TTC29: variants seen among roughly 807,000 people sequenced by gnomAD.
TTC29 encodes tetratricopeptide repeat protein 29.
In TTC29, 49 loss-of-function variants were observed where a neutral mutation model predicts 58.1. The observed-to-expected ratio is 0.84, with a 90% CI of 0.67 to 1.07. The LOEUF (loss-of-function observed/expected upper bound fraction) is 1.07, where lower values mean the gene tolerates loss of function less well. Among genes scored for constraint, TTC29 ranks in the 50% least tolerant of loss-of-function variants. The pLI is 0.00. For missense variants in TTC29, 582 were observed against 555.6 expected (o/e 1.05, Z -0.48); for synonymous variants, 209 against 196.8 (o/e 1.06, Z -0.52).
At chr4:146,834,884 CA>C (rs1444003095) in intron 8 of TTC29, among the ~76,000 whole-genome samples, 2 of 152,050 alleles carry the variant, frequency 1.3e-5, no homozygotes, top group Non-Finnish European at 2.9e-5. Context: ...TGCGACACTT[CA>C]AAAAATTTGA....
intron 10 of TTC29, among the ~76,000 whole-genome samples, chr4:146,806,165 T>G (rs538751322): frequency 5.3e-5 from 8 of 152,288 alleles, no homozygotes; most frequent in African/African-American, 1.9e-4. Flanking sequence ...AATGAAATCC[T>G]TTACAGACAA....
At chr4:146,810,310 A>G (rs368886355) in intron 10 of TTC29, among the ~76,000 whole-genome samples, 2 of 152,114 alleles carry the variant, frequency 1.3e-5, no homozygotes, top group African/African-American at 2.4e-5. Context: ...TATAGATGAC[A>G]GGTTGATGGG....
chr4:146,722,499 A>T (rs1743445299), intron 11 of TTC29, among the ~76,000 whole-genome samples: 1 of 152,200 alleles, frequency 6.6e-6, no homozygotes, highest in Non-Finnish European at 1.5e-5. Flanking sequence ...AACAGAATGG[A>T]GAACCTGAAA....
chr4:146,904,463 T>A (rs1172899047), intron 5 of TTC29, among the ~76,000 whole-genome samples: 3 of 151,510 alleles, frequency 2.0e-5, no homozygotes, highest in African/African-American at 7.3e-5. Flanking sequence ...TATATCTACA[T>A]AAAAAAATGT....
At chr4:146,708,328 A>ACATGTATGTGTGTGTG (rs1406643090) in intron 11 of TTC29, among the ~76,000 whole-genome samples, 2 of 47,544 alleles carry the variant, frequency 4.2e-5, no homozygotes, top group African/African-American at 1.1e-4. Flanking sequence ...ATATATATAT[A>ACATGTATGTGTGTGTG]TATATATATA....
intron 9 of TTC29, 23 bp downstream of exon 9, chr4:146,833,783 A>G: frequency 6.3e-7 from 1 of 1,585,920 alleles, no homozygotes; most frequent in Non-Finnish European, 8.7e-7. Context: ...CAGTGACAGC[A>G]AGATGAGAAT....
At chr4:146,890,950 A>G (rs1732318249) in intron 6 of TTC29, among the ~76,000 whole-genome samples, 3 of 152,256 alleles carry the variant, frequency 2.0e-5, no homozygotes, top group South Asian at 4.1e-4. Context: ...TGGAAGAGAC[A>G]TAATATCAAG....
At chr4:146,806,100 A>C (rs1750597974) in intron 10 of TTC29, among the ~76,000 whole-genome samples, 1 of 152,198 alleles carries the variant, frequency 6.6e-6, no homozygotes, top group Non-Finnish European at 1.5e-5. Context: ...AAGGAAAAGA[A>C]TTTTCAACTC....
chr4:146,744,415 G>T (rs906712722), intron 11 of TTC29, among the ~76,000 whole-genome samples: 1 of 152,048 alleles, frequency 6.6e-6, no homozygotes, highest in Non-Finnish European at 1.5e-5. Context: ...AAGGAGTGGG[G>T]TGGGAGGCAG....
intron 6 of TTC29, among the ~76,000 whole-genome samples, chr4:146,881,023 C>T (rs1318677193): frequency 6.6e-6 from 1 of 152,038 alleles, no homozygotes; most frequent in Non-Finnish European, 1.5e-5. Flanking sequence ...GTTTGCAACG[C>T]AATAAGGGCA....
intron 4 of TTC29, among the ~76,000 whole-genome samples, chr4:146,912,535 G>T (rs1733965302): frequency 6.6e-6 from 1 of 152,072 alleles, no homozygotes; most frequent in Non-Finnish European, 1.5e-5. Context: ...TTAGAATCTT[G>T]AACAACCTGA....
chr4:146,773,148 T>G (rs903277647), intron 11 of TTC29, among the ~76,000 whole-genome samples: 2 of 152,062 alleles, frequency 1.3e-5, no homozygotes, highest in African/African-American at 4.8e-5. Flanking sequence ...CCAGGTATAG[T>G]ATCATCTAGT....
chr4:146,839,076 A>T (rs758672047), intron 8 of TTC29, among the ~76,000 whole-genome samples: 2 of 151,980 alleles, frequency 1.3e-5, no homozygotes, highest in Admixed American at 1.3e-4. Flanking sequence ...ACAGAGTTGT[A>T]CGAAATAACA....
intron 11 of TTC29, among the ~76,000 whole-genome samples, chr4:146,784,066 G>T (rs1247994744): frequency 6.6e-6 from 1 of 150,850 alleles, no homozygotes; most frequent in African/African-American, 2.4e-5. Flanking sequence ...CTAAGTCTCA[G>T]GTATAGTATA....
rs951701558 is a variant in TTC29, at chr4:146,839,873, G to GA, written c.886-5977dup. Among the ~76,000 whole-genome samples the GA allele has an allele frequency of 3.1e-4, 47 of 151,668 alleles. 1 individual carries two copies. Among genetic ancestry groups the GA allele is most frequent in the Non-Finnish European group, 5.5e-4 (37 of 67,788 alleles). On this transcript the variant is annotated intron_variant, in intron 8 of 12. Coordinates refer to ENST00000325106, the MANE Select transcript of TTC29 (RefSeq NM_031956.4). Reference sequence around the variant, plus strand: ...TGGCAATTTGCTCAGCTAAGTGATAGAAAAAAAGGAGTTGACTGAATTAAT... The same window carrying GA: ...TGGCAATTTGCTCAGCTAAGTGATAGAAAAAAAAGGAGTTGACTGAATTAAT...
intron 11 of TTC29, among the ~76,000 whole-genome samples, chr4:146,802,450 T>G (rs1192680884): frequency 6.6e-6 from 1 of 152,220 alleles, no homozygotes; most frequent in Admixed American, 6.5e-5. Context: ...TCTCTTACTA[T>G]GGATGTATTT....
chr4:146,833,822 C>T lies in TTC29; in HGVS notation c.961G>A (p.Ala321Thr). The T allele has an allele frequency of 6.2e-7, 1 of 1,613,210 alleles. No homozygotes were observed. The highest frequency in any genetic ancestry group is 8.5e-7 in the Non-Finnish European group (1 of 1,179,396). ...LSLGRGYEAI[A>T]KVLQSQGEMT... is the part of the protein sequence containing the mutation. Reference sequence around the variant, plus strand: ...CTAACTTACCTCTGCAGGACCTTGGCTATGGCTTCATAGCCTCTCCCCAGA... The same window carrying T: ...CTAACTTACCTCTGCAGGACCTTGGTTATGGCTTCATAGCCTCTCCCCAGA... Residue 321 changes from alanine (A) to threonine (T), a missense_variant, in exon 9 of 13, where the codon GCC becomes ACC. Coordinates refer to ENST00000325106, the MANE Select transcript of TTC29 (RefSeq NM_031956.4).
chr4:146,804,241 T>C (rs1241326067), intron 10 of TTC29, among the ~76,000 whole-genome samples: 1 of 152,170 alleles, frequency 6.6e-6, no homozygotes, highest in Non-Finnish European at 1.5e-5. Flanking sequence ...TCCCATGGTC[T>C]TCGCAACCCA....
At chr4:146,848,959 C>T (rs1377743616) in intron 8 of TTC29, among the ~76,000 whole-genome samples, 1 of 152,168 alleles carries the variant, frequency 6.6e-6, no homozygotes, top group Non-Finnish European at 1.5e-5. Flanking sequence ...AAGGTGCATC[C>T]CAGCCTGGGG....
Sources: allele counts gnomAD v4.1 joint callset (sites outside exome capture counted in the v4.1 genomes callset), GRCh38; gene constraint gnomAD v4.1.1; transcripts MANE v1.5; gene names NCBI Gene and HGNC (gene_info 2026-07-23, HGNC 2026-07-21).